Variants in ARSG observed in about 807,000 individuals in gnomAD.
The protein encoded by ARSG is arylsulfatase G.
In ARSG, 37 loss-of-function variants were observed where a neutral mutation model predicts 50.5. The ratio of observed to expected loss-of-function variants is 0.73; its 90% CI spans 0.56 to 0.96. The LOEUF (loss-of-function observed/expected upper bound fraction) is 0.96, where lower values mean the gene tolerates loss of function less well. Ranked by LOEUF, ARSG falls within the 50% of genes least tolerant of loss-of-function variation. The pLI is 0.00. For missense variants in ARSG, 629 were observed against 675.3 expected (o/e 0.93, Z 0.76); for synonymous variants, 225 against 254.6 (o/e 0.88, Z 1.11).
In ARSG at chr17:68,378,148, T is replaced by C. The variant is rs1051016901; in HGVS notation, c.983-6916T>C. On this transcript the variant is annotated intron_variant, in intron 8 of 11. Coordinates refer to ENST00000621439, the MANE Select transcript of ARSG (RefSeq NM_001267727.2). This position sits in a 1 kb window ranked among gnomAD's most constrained non-coding sequence, Gnocchi z 4.4. ...TGAGTCAAGGGGGCTGGGGTCCCTCTGGTCACCTGCTCCTCTTCACCCAGT... is the reference window on the plus strand; with the variant it reads ...TGAGTCAAGGGGGCTGGGGTCCCTCCGGTCACCTGCTCCTCTTCACCCAGT... Among the ~76,000 whole-genome samples the C allele has an allele frequency of 6.6e-6, 1 of 152,192 alleles. No individual in the cohort carries two copies. Among genetic ancestry groups the C allele is most frequent in the Admixed American group, 6.5e-5 (1 of 15,276 alleles).
downstream of ARSG, among the ~76,000 whole-genome samples, chr17:68,425,075 G>A (rs1277569231): frequency 8.5e-5 from 13 of 152,188 alleles, no homozygotes; most frequent in Non-Finnish European, 1.9e-4. Flanking sequence ...AAGAAGCCAC[G>A]CCCAGCACTC....
chr17:68,436,853 G>A, the ARSG span, among the ~76,000 whole-genome samples: 1 of 152,084 alleles, frequency 6.6e-6, no homozygotes, highest in African/African-American at 2.4e-5. Flanking sequence ...AAATAGCTGG[G>A]CATGGTGGTG....
At chr17:68,286,311 T>C (rs1315370256) in intron 1 of ARSG, among the ~76,000 whole-genome samples, 2 of 152,152 alleles carry the variant, frequency 1.3e-5, no homozygotes, top group African/African-American at 4.8e-5. Context: ...TGAATAGAGT[T>C]AGAATTATTG....
chr17:68,363,592 C>T (rs529340003), intron 6 of ARSG, among the ~76,000 whole-genome samples: 18 of 152,188 alleles, frequency 1.2e-4, no homozygotes, highest in Non-Finnish European at 2.5e-4. Context: ...CTCAGCCTCC[C>T]GAGTAGCTGG....
At chr17:68,374,360 G>T (rs556278691) in intron 8 of ARSG, among the ~76,000 whole-genome samples, 181 of 145,614 alleles carry the variant, frequency 1.2e-3, no homozygotes, top group African/African-American at 4.3e-3. Flanking sequence ...GGTGCAGAAG[G>T]TGTGGAGACC....
chr17:68,438,640 G>T, the ARSG span, among the ~76,000 whole-genome samples: 1 of 152,156 alleles, frequency 6.6e-6, no homozygotes, highest in Non-Finnish European at 1.5e-5. Context: ...TTACTCTGTT[G>T]CCCAAGCTGC....
chr17:68,358,737 G>A (rs1052855083), intron 6 of ARSG, among the ~76,000 whole-genome samples: 5 of 151,918 alleles, frequency 3.3e-5, no homozygotes, highest in Non-Finnish European at 7.4e-5. Flanking sequence ...ATAGTTGTGT[G>A]AATCTGTAGT....
rs1270771769 is a variant in ARSG at position 68,267,428 on chromosome 17, T to C, written c.-552+8002T>C. ...CCCACCCTCCCCAAAGTTTTATAGATTGTCCTATTTCTATGGCTGATAAGA... is the reference window on the plus strand; with the variant it reads ...CCCACCCTCCCCAAAGTTTTATAGACTGTCCTATTTCTATGGCTGATAAGA... On this transcript the variant is annotated intron_variant, in intron 1 of 11. Coordinates refer to the ARSG transcript ENST00000448504. 2.0e-5 allele frequency: 3 copies of C among 152,282 alleles called. No homozygotes were observed. In the East Asian group the frequency reaches 5.8e-4, roughly 29 times the overall value. 9.4% of individuals were successfully genotyped at this position (152,282 alleles called of 1,614,324 possible). A position where few individuals can be genotyped will look rare whatever the true frequency, so the allele number is the denominator to read the frequency against.
intron 2 of ARSG, among the ~76,000 whole-genome samples, chr17:68,335,410 C>T (rs1009262609): frequency 6.6e-6 from 1 of 151,886 alleles, no homozygotes; most frequent in Non-Finnish European, 1.5e-5. Context: ...AAAAATTAGC[C>T]GGGCGTAGTG....
intron 1 of ARSG, among the ~76,000 whole-genome samples, chr17:68,280,696 A>C (rs1226355307): frequency 6.6e-6 from 1 of 152,228 alleles, no homozygotes; most frequent in Non-Finnish European, 1.5e-5. Flanking sequence ...AGAAGAAAAC[A>C]TAGGGGAAAC....
intron 1 of ARSG, among the ~76,000 whole-genome samples, chr17:68,283,516 G>A (rs1427310884): frequency 1.3e-4 from 17 of 133,494 alleles, no homozygotes; most frequent in Middle Eastern, 6.3e-3. Flanking sequence ...GTGAGACTCC[G>A]TATCAGAAAA....
At chr17:68,311,620 T>A (rs116400357) in intron 2 of ARSG, among the ~76,000 whole-genome samples, 2 of 151,094 alleles carry the variant, frequency 1.3e-5, no homozygotes, top group Non-Finnish European at 3.0e-5. Context: ...CAGAGAGAGA[T>A]GGTGACGTGA....
At chr17:68,446,186 A>AT in the ARSG span, among the ~76,000 whole-genome samples, 81 of 146,828 alleles carry the variant, frequency 5.5e-4, no homozygotes, top group East Asian at 2.6e-3. Context: ...ACATTTCTCA[A>AT]TTTTTTTTTT....
chr17:68,307,392 A>C lies in ARSG; in HGVS notation c.-102A>C. Reference sequence around the variant, plus strand: ...CTTGCAGATTCCACCCCTGCTCCCCAGAGACTTCCTGCTTTGAAAGTGAGC... The same window carrying C: ...CTTGCAGATTCCACCCCTGCTCCCCCGAGACTTCCTGCTTTGAAAGTGAGC... On this transcript the variant is annotated 5_prime_UTR_variant, in exon 2 of 12. Coordinates refer to ENST00000621439, the MANE Select transcript of ARSG (RefSeq NM_001267727.2). 5.4e-6 allele frequency: 5 copies of C among 920,232 alleles called. No individual in the cohort carries two copies. The highest frequency in any genetic ancestry group is 6.9e-6 in the Non-Finnish European group (4 of 583,242). The allele number at this position is 920,232 out of a possible 1,614,324, so 57.0% of individuals were successfully genotyped here. A position where few individuals can be genotyped will look rare whatever the true frequency, so the allele number is the denominator to read the frequency against.
intron 1 of ARSG, among the ~76,000 whole-genome samples, chr17:68,269,635 G>T (rs2075266545): frequency 7.3e-6 from 1 of 137,572 alleles, no homozygotes; most frequent in Admixed American, 7.5e-5. Context: ...TTCTTCGGTA[G>T]GAAGGAACTG....
the ARSG span, among the ~76,000 whole-genome samples, chr17:68,437,010 A>G: frequency 5.1e-5 from 4 of 77,910 alleles, no homozygotes; most frequent in African/African-American, 2.4e-4. Context: ...AAAAAAATAT[A>G]TATATATGTG....
chr17:68,370,930 T>C (rs893571272), intron 8 of ARSG, among the ~76,000 whole-genome samples: 1 of 151,996 alleles, frequency 6.6e-6, no homozygotes, highest in Non-Finnish European at 1.5e-5. Context: ...TCAAAAAATA[T>C]TTAGTGTACA....
chr17:68,326,251 G>A (rs557756573), intron 2 of ARSG, among the ~76,000 whole-genome samples: 7 of 152,334 alleles, frequency 4.6e-5, no homozygotes, highest in Admixed American at 6.5e-5. Context: ...CCCAGGAGGC[G>A]AAATGAGAGC....
intron 1 of ARSG, among the ~76,000 whole-genome samples, chr17:68,292,877 C>A (rs782645913): frequency 6.6e-6 from 1 of 152,124 alleles, no homozygotes; most frequent in Non-Finnish European, 1.5e-5. Context: ...ACCTTGTAGG[C>A]GTAATTTAAC....
Sources: gnomAD v4.1 joint callset for allele counts (sites outside exome capture counted in the v4.1 genomes callset) on GRCh38, gnomAD v4.1.1 for gene constraint, Gnocchi (gnomAD v3.1) non-coding constraint, MANE v1.5 for transcripts, NCBI Gene and HGNC (gene_info 2026-07-23, HGNC 2026-07-21) for gene names.